Variants in RAP1A observed in about 807,000 individuals in gnomAD.
RAP1A encodes the protein RAP1A, member of RAS oncogene family.
In RAP1A, 6 loss-of-function variants were observed where a neutral mutation model predicts 26.4. The ratio of observed to expected loss-of-function variants is 0.23; its 90% CI spans 0.12 to 0.45. RAP1A has a LOEUF of 0.45. Among genes scored for constraint, RAP1A ranks in the 20% least tolerant of loss-of-function variants. The pLI is 0.99. For missense variants in RAP1A, 121 were observed against 217.2 expected, an observed-to-expected ratio of 0.56 and a Z score of 2.78; for synonymous variants, 73 against 79.4, an observed-to-expected ratio of 0.92 and a Z score of 0.43.
chr1:111,560,259 G>A (rs942630934), intron 1 of RAP1A, among the ~76,000 whole-genome samples: 2 of 152,094 alleles, frequency 1.3e-5, no homozygotes, highest in African/African-American at 4.8e-5. Flanking sequence ...CTAACAAAGA[G>A]AGTGAGGTCA....
chr1:111,686,740 C>CA (rs1333822220), intron 1 of RAP1A: 4 of 143,878 alleles, frequency 2.8e-5, no homozygotes, highest in Non-Finnish European at 6.1e-5. Context: ...GACCTGGAAC[C>CA]AAAAAGTTTG....
intron 1 of RAP1A, among the ~76,000 whole-genome samples, chr1:111,571,876 G>C (rs1434652837): frequency 6.6e-6 from 1 of 152,174 alleles, no homozygotes; most frequent in Non-Finnish European, 1.5e-5. Flanking sequence ...ATTTAAAAAG[G>C]CTAAATTTCT....
chr1:111,703,767 T>G (rs776638347), intron 5 of RAP1A, among the ~76,000 whole-genome samples: 1 of 151,968 alleles, frequency 6.6e-6, no homozygotes. Flanking sequence ...GGGACCTGAG[T>G]TGAGCTTTGA....
At chr1:111,632,362 A>G (rs1200496686) in intron 1 of RAP1A, among the ~76,000 whole-genome samples, 1 of 152,118 alleles carries the variant, frequency 6.6e-6, no homozygotes. Flanking sequence ...ATTCTTTTAA[A>G]TGAATATCAT....
chr1:111,617,471 T>A (rs1659036171), upstream of RAP1A, among the ~76,000 whole-genome samples: 1 of 152,128 alleles, frequency 6.6e-6, no homozygotes, highest in African/African-American at 2.4e-5. Context: ...CTCGCTCTGT[T>A]GCCCAGGCTG....
upstream of RAP1A, among the ~76,000 whole-genome samples, chr1:111,618,041 CAA>C (rs56862044): frequency 6.9e-3 from 999 of 144,132 alleles, 10 homozygotes; most frequent in African/African-American, 0.023. Flanking sequence ...GACTCCGCCT[CAA>C]AAAAAAAAAA....
At chr1:111,647,328 C>G (rs1478615566) in intron 1 of RAP1A, among the ~76,000 whole-genome samples, 1 of 152,130 alleles carries the variant, frequency 6.6e-6, no homozygotes, top group Non-Finnish European at 1.5e-5. Context: ...CTCAGGGTTC[C>G]CACTGATTCT....
intron 1 of RAP1A, among the ~76,000 whole-genome samples, chr1:111,655,877 T>C (rs1660441542): frequency 6.6e-6 from 1 of 151,818 alleles, no homozygotes; most frequent in East Asian, 1.9e-4. Context: ...GTATTTTTAG[T>C]AGAGACGGGG....
intron 1 of RAP1A, among the ~76,000 whole-genome samples, chr1:111,647,579 A>G (rs1660111224): frequency 6.6e-6 from 1 of 151,766 alleles, no homozygotes; most frequent in Non-Finnish European, 1.5e-5. Context: ...ATCAGGGACT[A>G]TTATAACATT....
At chr1:111,613,958 C>T (rs554920704) in intron 1 of RAP1A, among the ~76,000 whole-genome samples, 1 of 152,326 alleles carries the variant, frequency 6.6e-6, no homozygotes, top group Non-Finnish European at 1.5e-5. Context: ...CAGACACATG[C>T]TCCTGAATAT....
At chr1:111,633,415 ATTAT>A (rs1488758832) in intron 1 of RAP1A, among the ~76,000 whole-genome samples, 3 of 152,248 alleles carry the variant, frequency 2.0e-5, no homozygotes, top group South Asian at 2.1e-4. Flanking sequence ...AACTAGTGTG[ATTAT>A]TTAAGGATAT....
intron 1 of RAP1A, among the ~76,000 whole-genome samples, chr1:111,645,322 G>A (rs1660031110): frequency 6.6e-6 from 1 of 152,054 alleles, no homozygotes; most frequent in Non-Finnish European, 1.5e-5. Flanking sequence ...GGGACTTTAG[G>A]AAAAAAGATC....
intron 2 of RAP1A, among the ~76,000 whole-genome samples, chr1:111,692,839 A>G (rs1661710755): frequency 6.6e-6 from 1 of 152,214 alleles, no homozygotes; most frequent in Admixed American, 6.5e-5. Context: ...AAGGTTAAAT[A>G]AGCTATGAAT....
chr1:111,592,131 G>A (rs955073877), intron 1 of RAP1A, among the ~76,000 whole-genome samples: 4 of 152,148 alleles, frequency 2.6e-5, no homozygotes, highest in Non-Finnish European at 2.9e-5. Context: ...AACTAGAAAC[G>A]GATGGCAAAT....
At chr1:111,657,468 C>G (rs372255591) in intron 1 of RAP1A, among the ~76,000 whole-genome samples, 6 of 152,220 alleles carry the variant, frequency 3.9e-5, no homozygotes, top group African/African-American at 1.4e-4. Flanking sequence ...AACCTGTAGT[C>G]CAATTTATCT....
chr1:111,545,659 G>T (rs1414090233), intron 1 of RAP1A, among the ~76,000 whole-genome samples: 1 of 151,850 alleles, frequency 6.6e-6, no homozygotes, highest in Non-Finnish European at 1.5e-5. Context: ...GTCTTTTATT[G>T]CTTGTGCTTT....
At chr1:111,622,770 T>G (rs1161447574) in intron 1 of RAP1A, among the ~76,000 whole-genome samples, 2 of 152,222 alleles carry the variant, frequency 1.3e-5, no homozygotes, top group African/African-American at 2.4e-5. Flanking sequence ...TTACCTCTCT[T>G]CAACATTTAA....
At chr1:111,546,053 G>A (rs1657024159) in intron 1 of RAP1A, among the ~76,000 whole-genome samples, 2 of 152,106 alleles carry the variant, frequency 1.3e-5, no homozygotes, top group Non-Finnish European at 1.5e-5. Flanking sequence ...ATCCAGAATT[G>A]TGAGTCCTTC....
At chr1:111,589,431 A>C (rs577355086) in intron 1 of RAP1A, among the ~76,000 whole-genome samples, 5 of 152,176 alleles carry the variant, frequency 3.3e-5, no homozygotes, top group Non-Finnish European at 7.4e-5. Context: ...TAATAAAATA[A>C]AATGTTTCCA....
Sources: allele counts gnomAD v4.1 joint callset (sites outside exome capture counted in the v4.1 genomes callset), GRCh38; gene constraint gnomAD v4.1.1; transcripts MANE v1.5; gene names NCBI Gene and HGNC (gene_info 2026-07-23, HGNC 2026-07-21).